Variants in UBR4 observed in about 807,000 individuals in gnomAD.
UBR4 encodes the protein ubiquitin protein ligase E3 component n-recognin 4, also known as E3 ubiquitin-protein ligase UBR4.
In UBR4, 124 loss-of-function variants were observed where a neutral mutation model predicts 575.6. The observed-to-expected ratio is 0.22, with a 90% CI of 0.19 to 0.25. The LOEUF is 0.25. UBR4 is among the 10% of genes least tolerant of loss of function. The pLI, the probability that UBR4 is intolerant of heterozygous loss-of-function variation, is 1.00. For synonymous variants in UBR4, 2,455 were observed against 2,473.7 expected (o/e 0.99, Z 0.22); for missense variants, 4,818 against 6,478.8 (o/e 0.74, Z 8.80).
intron 8 of UBR4, 72 bp from the exon 9 acceptor site, chr1:19,193,629 C>T: frequency 6.6e-7 from 1 of 1,520,648 alleles, no homozygotes; most frequent in South Asian, 1.3e-5. Context: ...AACACAAAAG[C>T]ACACCCCACC....
rs1226134632 is a variant in UBR4, at chr1:19,153,571, G to C, written c.6631-69C>G. Reference sequence around the variant, plus strand: ...AGATCAGCATCCTCACAGAAAAAGAGGCAGAGATGCAACTGGTTTCATGGT... The same window carrying C: ...AGATCAGCATCCTCACAGAAAAAGACGCAGAGATGCAACTGGTTTCATGGT... On this transcript the variant is annotated intron_variant, in intron 45 of 105. Coordinates refer to ENST00000375254, the MANE Select transcript of UBR4 (RefSeq NM_020765.3). The surrounding 1 kb of genome is among the most constrained non-coding windows in gnomAD (Gnocchi z 4.1). 8.2e-6 allele frequency: 13 copies of C among 1,579,868 alleles called. No homozygotes were observed. Among genetic ancestry groups the C allele is most frequent in the Non-Finnish European group, 1.0e-5 (12 of 1,153,610 alleles).
chr1:19,097,680 C>G (rs1179167074), intron 90 of UBR4, among the ~76,000 whole-genome samples: 1 of 152,188 alleles, frequency 6.6e-6, no homozygotes, highest in Non-Finnish European at 1.5e-5. Flanking sequence ...AGGTCTAATT[C>G]CAAGCCTGGA....
chr1:19,124,863 C>G (rs767944977), intron 64 of UBR4, among the ~76,000 whole-genome samples, 173 bp from the exon 65 acceptor site: 4 of 152,142 alleles, frequency 2.6e-5, no homozygotes, highest in African/African-American at 9.7e-5. Context: ...AAGGCCCAGG[C>G]TTCTGCGGCC....
At position 19,165,295 on chromosome 1, in the gene UBR4, T is replaced by A; in HGVS notation, c.4266A>T (p.Lys1422Asn). Residue 1422 changes from lysine (K) to asparagine (N), a missense_variant, in exon 31 of 106, where the codon AAA becomes AAT. Transcript: ENST00000375254. The stretch of plus-strand genomic sequence containing the variant: ...AGAATTTCAAAACTCGGTTACAGAA[T>A]TTAGCAGAGAGGTTCTCATTGGCTG... ...MATANENLSA[K>N]FCNRVLKFFT... The A allele has an allele frequency of 6.2e-7, 1 of 1,614,218 alleles. No individual in the cohort carries two copies. Among genetic ancestry groups the A allele is most frequent in the East Asian group, 2.2e-5 (1 of 44,882 alleles).
At chr1:19,166,476 C>T (rs542751272) in intron 29 of UBR4, among the ~76,000 whole-genome samples, 1 of 144,054 alleles carries the variant, frequency 6.9e-6, no homozygotes, top group East Asian at 2.4e-4. Context: ...TTCTTAATGT[C>T]TATTCCTAAG....
Position 19,115,393 on chromosome 1 carries a change from C to T in UBR4, c.11063+5G>A. On this transcript the variant is annotated splice_donor_5th_base_variant and intron_variant, in intron 74 of 105. Coordinates refer to ENST00000375254, the MANE Select transcript of UBR4 (RefSeq NM_020765.3). ...CCCTGGCCTAGGGGATGACCAATGA[C>T]TTACCTGCATTTGTGACACTGGTAC... is the stretch of plus-strand genomic sequence containing the variant. 2.5e-6 allele frequency: 4 copies of T among 1,613,852 alleles called. No homozygotes were observed. Among genetic ancestry groups the T allele is most frequent in the Non-Finnish European group, 3.4e-6 (4 of 1,179,830 alleles).
chr1:19,172,640 A>G (rs1394176344), intron 25 of UBR4, among the ~76,000 whole-genome samples: 1 of 152,236 alleles, frequency 6.6e-6, no homozygotes, highest in Non-Finnish European at 1.5e-5. Context: ...AAAATCGTAC[A>G]AAATATTTAA....
At position 19,153,428 on chromosome 1, in the gene UBR4, C is replaced by G. The variant is rs369190572; in HGVS notation, c.6705G>C (p.Glu2235Asp). 1.2e-6 allele frequency: 2 copies of G among 1,614,168 alleles called. No homozygotes were observed. Among genetic ancestry groups the G allele is most frequent in the African/African-American group, 2.7e-5 (2 of 75,030 alleles). ...QQRTTMILLC[E>D]DGSLRIYMAN... ...CCATGTAAATGCGCAGGCTGCCATC[C>G]TCACACAGCAGAATCATTGTTGTCC... Residue 2235 changes from glutamate to aspartate, a missense_variant, in exon 46 of 106, where the codon GAG (glutamate) becomes GAC (aspartate). Around this residue, in one of 29 missense-constraint regions of UBR4, gnomAD observed 461 missense variants for 606.9 expected, o/e 0.76. Coordinates refer to ENST00000375254, the MANE Select transcript of UBR4 (RefSeq NM_020765.3). The surrounding 1 kb of genome is among the most constrained non-coding windows in gnomAD (Gnocchi z 4.1).
At position 19,145,508 on chromosome 1, in the gene UBR4, G is replaced by GACACACACACACACACACACACAC. The variant is rs555050832; in HGVS notation, c.7945+261_7945+284dup. 8.1e-3 allele frequency among the ~76,000 whole-genome samples: 1,175 copies of GACACACACACACACACACACACAC among 145,044 alleles called. 6 individuals carry two copies. Among genetic ancestry groups the GACACACACACACACACACACACAC allele is most frequent in the Admixed American group, 0.033 (480 of 14,440 alleles). ...TTTAAAAACAATTATAAACCACTGA[G>GACACACACACACACACACACACAC]ACACACACACACACACACACACACA... On this transcript the variant is annotated intron_variant, in intron 53 of 105. Transcript: ENST00000375254.
rs1163689361 is a variant in UBR4, at chr1:19,088,031, A to G, written c.14431-102T>C. On this transcript the variant is annotated intron_variant, in intron 98 of 105. Transcript: ENST00000375254. This position sits in a 1 kb window ranked among gnomAD's most constrained non-coding sequence, Gnocchi z 4.0. ...ACAGGGCTAACCTTCTACCTCCACTAAAAGGACAGGTGCATGAGAGGAAAG... is the reference window on the plus strand; with the variant it reads ...ACAGGGCTAACCTTCTACCTCCACTGAAAGGACAGGTGCATGAGAGGAAAG... The G allele has an allele frequency of 3.7e-5, 32 of 859,516 alleles. No homozygotes were observed. In the Admixed American group the frequency reaches 6.5e-4, roughly 17 times the overall value. 53.2% of individuals were successfully genotyped at this position (859,516 alleles called of 1,614,324 possible). A position where few individuals can be genotyped will look rare whatever the true frequency, so the allele number is the denominator to read the frequency against.
intron 17 of UBR4, among the ~76,000 whole-genome samples, chr1:19,182,798 C>T (rs562436053): frequency 7.2e-5 from 11 of 152,182 alleles, no homozygotes; most frequent in Admixed American, 7.2e-4. Flanking sequence ...TATCATACTA[C>T]ATGAAAAAAG....
chr1:19,164,178 CT>C, intron 33 of UBR4, 74 bp downstream of exon 33: 1 of 1,507,280 alleles, frequency 6.6e-7, no homozygotes, highest in Non-Finnish European at 8.9e-7. Context: ...TCTGTACTCA[CT>C]TTGAGCTATA....
rs768580980 is a variant in UBR4 at position 19,095,031 on chromosome 1, G to A, written c.13627-6C>T. On this transcript the variant is annotated splice_region_variant and splice_polypyrimidine_tract_variant and intron_variant, in intron 93 of 105. Transcript: ENST00000375254. ...TCTTGTTCAGCTACAAGGGCCTGTA[G>A]GAGAAGGAGACTCAGTCACTCTCAG... 1 of 1,614,188 alleles carries A rather than the reference G, an allele frequency of 6.2e-7. No individual in the cohort carries two copies. The highest frequency in any genetic ancestry group is 8.5e-7 in the Non-Finnish European group (1 of 1,180,022).
rs772600292 is a variant in UBR4, at chr1:19,152,364, T to C, written c.6945A>G (p.Gln2315=). The C allele has an allele frequency of 1.4e-5, 22 of 1,613,976 alleles. No individual in the cohort carries two copies. Among genetic ancestry groups the C allele is most frequent in the Non-Finnish European group, 1.7e-5 (20 of 1,179,852 alleles). Residue 2315 remains glutamine (Q), a synonymous_variant, in exon 47 of 106, where the codon CAA becomes CAG. Transcript: ENST00000375254. This position sits in a 1 kb window ranked among gnomAD's most constrained non-coding sequence, Gnocchi z 4.4. ...TGGAATTCAGCCGGTGTTTTATCTGTTGTGCATTATAGACCTGTAGGAGGT... is the reference window on the plus strand; with the variant it reads ...TGGAATTCAGCCGGTGTTTTATCTGCTGTGCATTATAGACCTGTAGGAGGT... ...GNDLLQVYNA[Q]QIKHRLNSTG... is the part of the protein sequence containing the mutation.
chr1:19,171,894 G>C (rs1018430871), intron 25 of UBR4, among the ~76,000 whole-genome samples: 2 of 152,010 alleles, frequency 1.3e-5, no homozygotes, highest in Non-Finnish European at 2.9e-5. Flanking sequence ...ATCCTACAGG[G>C]ACCAGATAAA....
chr1:19,147,987 A>G lies in UBR4; in HGVS notation c.7629+6T>C, dbSNP rs748321211. On this transcript the variant is annotated splice_donor_region_variant and intron_variant, in intron 51 of 105. Coordinates refer to ENST00000375254, the MANE Select transcript of UBR4 (RefSeq NM_020765.3). ...TGCAATTTCCTTTCCCTGAGAGAAC[A>G]GTTACCTTGTGGCTGTGGTAGGCCG... The G allele has an allele frequency of 1.9e-6, 3 of 1,611,352 alleles. No homozygotes were observed. Among genetic ancestry groups the G allele is most frequent in the Non-Finnish European group, 2.5e-6 (3 of 1,178,946 alleles).
intron 81 of UBR4, among the ~76,000 whole-genome samples, chr1:19,108,724 C>T (rs887592633): frequency 6.6e-6 from 1 of 152,124 alleles, no homozygotes; most frequent in Non-Finnish European, 1.5e-5. Context: ...ATTACAGGGG[C>T]AAATAGTGTC....
At chr1:19,156,149 C>T (rs2086421218) in intron 42 of UBR4, 122 bp downstream of exon 42, 2 of 1,323,028 alleles carry the variant, frequency 1.5e-6, no homozygotes, top group African/African-American at 1.5e-5. Flanking sequence ...GCTGGTACTA[C>T]AGGTGAAAGT....
intron 97 of UBR4, among the ~76,000 whole-genome samples, chr1:19,091,962 G>A (rs926525542): frequency 1.1e-4 from 16 of 149,762 alleles, no homozygotes; most frequent in Non-Finnish European, 2.4e-4. Context: ...TGAAACTCCA[G>A]AAAATCATGC....
Sources: gnomAD v4.1 joint callset for allele counts (sites outside exome capture counted in the v4.1 genomes callset) on GRCh38, gnomAD v4.1.1 for gene constraint, gnomAD v4.1.1 regional missense constraint, Gnocchi (gnomAD v3.1) non-coding constraint, MANE v1.5 for transcripts, NCBI Gene and HGNC (gene_info 2026-07-23, HGNC 2026-07-21) for gene names.